The following BRINP1 variants were observed in gnomAD, a reference collection of about 807,000 sequenced individuals.
BRINP1 encodes BMP/retinoic acid inducible neural specific 1, also known as BMP/retinoic acid-inducible neural-specific protein 1.
A neutral mutation model predicts 72.9 loss-of-function variants in BRINP1; 17 were observed. That is an observed-to-expected ratio of 0.23 (90% CI 0.16 to 0.35). The LOEUF is 0.35. Among genes scored for constraint, BRINP1 ranks in the 10% least tolerant of loss-of-function variants. BRINP1 has a pLI of 1.00. For synonymous variants in BRINP1, 418 were observed against 378.5 expected (o/e 1.10, Z -1.21); for missense variants, 850 against 1,001.6 (o/e 0.85, Z 2.04).
intron 6 of BRINP1, among the ~76,000 whole-genome samples, chr9:119,210,534 CA>C (rs1829911742): frequency 6.6e-6 from 1 of 152,084 alleles, no homozygotes; most frequent in South Asian, 2.1e-4. Context: ...GTCAAATGGC[CA>C]GTAGATAGGA....
At chr9:119,322,682 G>A (rs1831200353) in intron 1 of BRINP1, among the ~76,000 whole-genome samples, 2 of 152,084 alleles carry the variant, frequency 1.3e-5, no homozygotes, top group African/African-American at 4.8e-5. Flanking sequence ...CACAATACTT[G>A]CCTCTTAAAC....
intron 1 of BRINP1, among the ~76,000 whole-genome samples, chr9:119,335,803 A>T (rs969153010): frequency 3.3e-5 from 5 of 152,212 alleles, no homozygotes; most frequent in Non-Finnish European, 7.3e-5. Context: ...CACTTTCCTC[A>T]GGTGGGCACT....
At chr9:119,283,866 G>A (rs939256181) in intron 2 of BRINP1, among the ~76,000 whole-genome samples, 5 of 152,038 alleles carry the variant, frequency 3.3e-5, no homozygotes, top group South Asian at 4.1e-4. Flanking sequence ...GTACCATACC[G>A]TCACCTGATG....
intron 7 of BRINP1, among the ~76,000 whole-genome samples, chr9:119,174,498 A>G (rs1829457597): frequency 7.1e-6 from 1 of 140,474 alleles, no homozygotes. Flanking sequence ...GAGAAATAGG[A>G]ACACTTTTAC....
At chr9:119,205,371 C>T (rs1199134654) in intron 7 of BRINP1, among the ~76,000 whole-genome samples, 1 of 152,094 alleles carries the variant, frequency 6.6e-6, no homozygotes, top group Non-Finnish European at 1.5e-5. Context: ...ATGATTAGGG[C>T]AGGTTTTCTC....
intron 1 of BRINP1, among the ~76,000 whole-genome samples, chr9:119,359,296 T>C (rs533577350): frequency 6.6e-6 from 1 of 152,306 alleles, no homozygotes; most frequent in South Asian, 2.1e-4. Context: ...TTGGCCCACA[T>C]AATCCTCCTG....
At chr9:119,355,123 A>G (rs763350162) in intron 1 of BRINP1, among the ~76,000 whole-genome samples, 35 of 152,200 alleles carry the variant, frequency 2.3e-4, no homozygotes, top group Non-Finnish European at 4.6e-4. Context: ...AGCAAATCAC[A>G]TTCATTAAAG....
At position 119,282,852 on chromosome 9, in the gene BRINP1, G is replaced by A. The variant is rs911587315; in HGVS notation, c.218+30286C>T. ...CTGGTCACAGTGGAGAGACAGCAGT[G>A]ATAGATTACCTCTTACGGTTGCGCT... On this transcript the variant is annotated intron_variant, in intron 2 of 7. Transcript: ENST00000265922. 8 of 985,180 alleles carry A rather than the reference G, an allele frequency of 8.1e-6. No individual in the cohort carries two copies. In the African/African-American group the frequency reaches 1.0e-4, roughly 13 times the overall value. The allele number at this position is 985,180 out of a possible 1,614,324, so 61.0% of individuals were successfully genotyped here.
chr9:119,242,083 C>A lies in BRINP1; in HGVS notation c.543G>T (p.Arg181Ser). ...YFVDRDGTMR[R>S]LHEIQISTGA... is the part of the protein sequence containing the mutation. The stretch of plus-strand genomic sequence containing the variant: ...CAGTTGATATCTGGATCTCATGAAG[C>A]CTCCTCATGGTACCATCACGGTCAA... Residue 181 changes from arginine (R) to serine (S), a missense_variant, in exon 4 of 8, where the codon AGG becomes AGT. Physicochemically the swap from Arg to Ser is moderately radical, Grantham distance 110. Transcript: ENST00000265922. 1.2e-6 allele frequency: 2 copies of A among 1,614,098 alleles called. No individual in the cohort carries two copies. Among genetic ancestry groups the A allele is most frequent in the Non-Finnish European group, 1.7e-6 (2 of 1,180,028 alleles).
intron 2 of BRINP1, among the ~76,000 whole-genome samples, chr9:119,293,026 C>T (rs1217918097): frequency 6.6e-6 from 1 of 152,120 alleles, no homozygotes; most frequent in African/African-American, 2.4e-5. Context: ...TGTCTGAGTA[C>T]ATAACAGTGA....
chr9:119,169,661 C>T (rs1373893356), intron 7 of BRINP1, among the ~76,000 whole-genome samples: 1 of 152,260 alleles, frequency 6.6e-6, no homozygotes, highest in South Asian at 2.1e-4. Context: ...CCTCTGTAGG[C>T]TCCACCTCTG....
At chr9:119,352,100 C>T (rs1183015022) in intron 1 of BRINP1, among the ~76,000 whole-genome samples, 1 of 151,892 alleles carries the variant, frequency 6.6e-6, no homozygotes, top group Non-Finnish European at 1.5e-5. Context: ...ACCCAGCCTG[C>T]TTCAAGTTTT....
intron 1 of BRINP1, among the ~76,000 whole-genome samples, chr9:119,337,858 G>A (rs1831363054): frequency 6.6e-6 from 1 of 152,168 alleles, no homozygotes. Flanking sequence ...AGTGTCTTTT[G>A]TCCTTCAAAA....
intron 7 of BRINP1, among the ~76,000 whole-genome samples, chr9:119,176,190 C>CA (rs1355792852): frequency 6.6e-6 from 1 of 152,154 alleles, no homozygotes; most frequent in African/African-American, 2.4e-5. Flanking sequence ...AACAAACAAT[C>CA]AGAGTAGTCT....
intron 2 of BRINP1, among the ~76,000 whole-genome samples, chr9:119,265,516 G>A (rs1390457052): frequency 6.6e-6 from 1 of 152,072 alleles, no homozygotes; most frequent in Non-Finnish European, 1.5e-5. Context: ...AGAATCACTT[G>A]AACCCAGGAG....
chr9:119,251,693 AG>A (rs61563981), intron 2 of BRINP1, among the ~76,000 whole-genome samples: 108,225 of 151,754 alleles, frequency 0.71, 39,478 homozygotes, highest in East Asian at 0.91. Context: ...AGAATAAAAT[AG>A]GGGGGAGCAT....
intron 7 of BRINP1, among the ~76,000 whole-genome samples, chr9:119,170,094 G>A (rs1232684915): frequency 2.6e-5 from 4 of 152,166 alleles, no homozygotes; most frequent in African/African-American, 4.8e-5. Flanking sequence ...CCAAAGGAAC[G>A]CAGTTCCTCA....
chr9:119,281,216 C>G (rs1265869099), intron 2 of BRINP1, among the ~76,000 whole-genome samples: 1 of 152,158 alleles, frequency 6.6e-6, no homozygotes, highest in Non-Finnish European at 1.5e-5. Flanking sequence ...CCTGGCCTGG[C>G]AGAGATACTT....
chr9:119,367,231 T>TG (rs1831704060), intron 1 of BRINP1, among the ~76,000 whole-genome samples: 1 of 138,240 alleles, frequency 7.2e-6, no homozygotes, highest in African/African-American at 2.8e-5. Context: ...GATATATATA[T>TG]ATATATATAT....
Sources: allele counts gnomAD v4.1 joint callset (sites outside exome capture counted in the v4.1 genomes callset), GRCh38; gene constraint gnomAD v4.1.1; transcripts MANE v1.5; gene names NCBI Gene and HGNC (gene_info 2026-07-23, HGNC 2026-07-21).